The following ROR1 variants were observed in gnomAD, a reference collection of about 807,000 sequenced individuals.
ROR1 encodes inactive tyrosine-protein kinase transmembrane receptor ROR1.
A neutral mutation model predicts 78.8 loss-of-function variants in ROR1; 19 were observed. The ratio of observed to expected loss-of-function variants is 0.24; its 90% CI spans 0.17 to 0.35. ROR1 has a LOEUF of 0.35. Among genes scored for constraint, ROR1 ranks in the 10% least tolerant of loss-of-function variants. The pLI, the probability that ROR1 is intolerant of heterozygous loss-of-function variation, is 1.00. For missense variants in ROR1, 917 were observed against 1,177.8 expected (o/e 0.78, Z 3.24); for synonymous variants, 386 against 433.6 (o/e 0.89, Z 1.36).
At chr1:64,013,454 G>A (rs834480) in intron 2 of ROR1, among the ~76,000 whole-genome samples, 99,144 of 152,008 alleles carry the variant, frequency 0.65, 37,181 homozygotes, top group East Asian at 0.94. Flanking sequence ...ATCTGCCTCC[G>A]ATTCCCTAAA....
At chr1:63,801,918 T>C (rs1644800049) in intron 1 of ROR1, among the ~76,000 whole-genome samples, 1 of 152,234 alleles carries the variant, frequency 6.6e-6, no homozygotes, top group Admixed American at 6.5e-5. Flanking sequence ...TATCCAGCTT[T>C]GTTTTCTCTA....
chr1:64,058,420 G>T (rs1646891283), intron 4 of ROR1, among the ~76,000 whole-genome samples: 1 of 151,716 alleles, frequency 6.6e-6, no homozygotes, highest in African/African-American at 2.4e-5. Flanking sequence ...TATCTTTAGT[G>T]AAAAGATTTC....
chr1:63,861,951 A>G (rs1030559688), intron 1 of ROR1, among the ~76,000 whole-genome samples: 1 of 152,206 alleles, frequency 6.6e-6, no homozygotes, highest in African/African-American at 2.4e-5. Context: ...AAAATAAAAA[A>G]TGGCATATTC....
chr1:64,178,517 C>T lies in ROR1; in HGVS notation c.2476C>T (p.Pro826Ser). 1 of 1,614,204 alleles carries T rather than the reference C, an allele frequency of 6.2e-7. No homozygotes were observed. Residue 826 changes from proline (P) to serine (S), a missense_variant, in exon 9 of 9, where the codon CCT becomes TCT. Transcript: ENST00000371079. The surrounding 1 kb of genome is among the most constrained non-coding windows in gnomAD (Gnocchi z 4.3). ...FIPINGYPIP[P>S]GYAAFPAAHY... ...TCCCATCAATGGATACCCAATACCT[C>T]CTGGATATGCAGCGTTTCCAGCTGC...
intron 1 of ROR1, among the ~76,000 whole-genome samples, chr1:63,961,494 A>G (rs1185441714): frequency 6.6e-6 from 1 of 152,238 alleles, no homozygotes; most frequent in Non-Finnish European, 1.5e-5. Context: ...ACAATGGAAT[A>G]TTACTCAGAC....
At chr1:64,142,250 G>A (rs1342293052) in intron 6 of ROR1, among the ~76,000 whole-genome samples, 155 bp from the exon 7 acceptor site, 1 of 152,180 alleles carries the variant, frequency 6.6e-6, no homozygotes, top group Non-Finnish European at 1.5e-5. Context: ...GCCCAGCAAA[G>A]CAGGGAGACT....
intron 1 of ROR1, among the ~76,000 whole-genome samples, chr1:63,800,233 A>C (rs2100253214): frequency 6.6e-6 from 1 of 152,288 alleles, no homozygotes; most frequent in Non-Finnish European, 1.5e-5. Flanking sequence ...ATTCCTTAAG[A>C]TATTCTGATG....
At chr1:64,155,558 G>A (rs981047447) in intron 7 of ROR1, among the ~76,000 whole-genome samples, 2 of 152,174 alleles carry the variant, frequency 1.3e-5, no homozygotes, top group Admixed American at 6.5e-5. Context: ...GCTTCTTGAA[G>A]TTTGTTCTCC....
At chr1:63,814,374 C>T (rs1210184277) in intron 1 of ROR1, among the ~76,000 whole-genome samples, 2 of 152,088 alleles carry the variant, frequency 1.3e-5, no homozygotes, top group Non-Finnish European at 2.9e-5. Flanking sequence ...GGCAGTGGTC[C>T]CCAACCTTTT....
At chr1:63,949,747 G>C (rs1045223096) in intron 1 of ROR1, among the ~76,000 whole-genome samples, 1 of 152,046 alleles carries the variant, frequency 6.6e-6, no homozygotes, top group African/African-American at 2.4e-5. Flanking sequence ...TTTCAGACAT[G>C]CTTAAGTTTC....
intron 2 of ROR1, among the ~76,000 whole-genome samples, chr1:64,029,191 GTACCTGTGAATCA>G (rs1646640177): frequency 6.6e-6 from 1 of 152,172 alleles, no homozygotes; most frequent in African/African-American, 2.4e-5. Context: ...TCTGTGAATA[GTACCTGTGAATCA>G]TACCTGTGAA....
At chr1:64,132,597 T>C (rs1365758129) in intron 4 of ROR1, among the ~76,000 whole-genome samples, 3 of 151,552 alleles carry the variant, frequency 2.0e-5, no homozygotes, top group Non-Finnish European at 2.9e-5. Flanking sequence ...CTGTCTCTAC[T>C]AAAAATACAA....
At chr1:63,868,069 C>T (rs1338669800) in intron 1 of ROR1, among the ~76,000 whole-genome samples, 4 of 151,918 alleles carry the variant, frequency 2.6e-5, no homozygotes, top group Admixed American at 2.0e-4. Flanking sequence ...CAGGTCAGGA[C>T]GAATCAAGCA....
intron 4 of ROR1, among the ~76,000 whole-genome samples, chr1:64,136,661 C>A (rs1649112247): frequency 6.6e-6 from 1 of 151,982 alleles, no homozygotes; most frequent in South Asian, 2.1e-4. Context: ...ATCTATTACC[C>A]CTCCTTATAA....
intron 8 of ROR1, among the ~76,000 whole-genome samples, chr1:64,163,129 A>G (rs1649990509): frequency 6.6e-6 from 1 of 151,640 alleles, no homozygotes; most frequent in Non-Finnish European, 1.5e-5. Flanking sequence ...CACACCTGTA[A>G]TCTCAGCATT....
chr1:63,838,725 A>G (rs1001629294), intron 1 of ROR1, among the ~76,000 whole-genome samples: 1 of 152,182 alleles, frequency 6.6e-6, no homozygotes, highest in Non-Finnish European at 1.5e-5. Flanking sequence ...TAAAGCCTAC[A>G]GTAGTGTATA....
At chr1:63,950,178 C>A (rs980053563) in intron 1 of ROR1, among the ~76,000 whole-genome samples, 2 of 152,036 alleles carry the variant, frequency 1.3e-5, no homozygotes, top group Non-Finnish European at 2.9e-5. Context: ...AGACAGAATT[C>A]GAGGCAAGTC....
At chr1:63,878,710 T>A (rs1645304322) in intron 1 of ROR1, among the ~76,000 whole-genome samples, 1 of 152,134 alleles carries the variant, frequency 6.6e-6, no homozygotes, top group African/African-American at 2.4e-5. Flanking sequence ...TGGAGCCCTG[T>A]CTGCTCCATC....
intron 1 of ROR1, among the ~76,000 whole-genome samples, chr1:63,831,243 C>T (rs896482489): frequency 1.3e-5 from 2 of 152,198 alleles, no homozygotes; most frequent in Non-Finnish European, 2.9e-5. Context: ...CTCTACTAGG[C>T]AGTTTCCCAG....
Sources: allele counts gnomAD v4.1 joint callset (sites outside exome capture counted in the v4.1 genomes callset), GRCh38; gene constraint gnomAD v4.1.1; non-coding constraint Gnocchi (gnomAD v3.1); transcripts MANE v1.5; gene names NCBI Gene and HGNC (gene_info 2026-07-23, HGNC 2026-07-21).